Variants in EPC2 observed in about 807,000 individuals in gnomAD.
EPC2 encodes enhancer of polycomb 2, also known as enhancer of polycomb homolog 2.
In EPC2, 14 loss-of-function variants were observed where a neutral mutation model predicts 92.1. That is an observed-to-expected ratio of 0.15 (90% confidence interval 0.10 to 0.24). The LOEUF (loss-of-function observed/expected upper bound fraction) is 0.24. EPC2 is among the 10% of genes least tolerant of loss of function. EPC2 has a pLI of 1.00. For synonymous variants in EPC2, 340 were observed against 334.7 expected (o/e 1.02, Z -0.17); for missense variants, 755 against 971.5 (o/e 0.78, Z 2.96).
intron 4 of EPC2, among the ~76,000 whole-genome samples, chr2:148,760,866 G>C (rs1441769257): frequency 6.6e-6 from 1 of 151,858 alleles, no homozygotes; most frequent in Non-Finnish European, 1.5e-5. Flanking sequence ...GTATTCCTTA[G>C]GTTCTTTCTA....
At chr2:148,768,340 T>G (rs1385696575) in intron 7 of EPC2, among the ~76,000 whole-genome samples, 2 of 152,232 alleles carry the variant, frequency 1.3e-5, no homozygotes, top group Non-Finnish European at 2.9e-5. Flanking sequence ...TGTATTTGTA[T>G]ATTATTTAAT....
At chr2:148,689,750 CTTG>C (rs1175816950) in intron 1 of EPC2, among the ~76,000 whole-genome samples, 1 of 152,134 alleles carries the variant, frequency 6.6e-6, no homozygotes, top group African/African-American at 2.4e-5. Flanking sequence ...AGTAATAAAA[CTTG>C]TTGAACATAA....
intron 1 of EPC2, among the ~76,000 whole-genome samples, chr2:148,688,374 C>T (rs192035303): frequency 1.3e-5 from 2 of 151,556 alleles, no homozygotes; most frequent in Admixed American, 1.3e-4. Context: ...AACACATGGA[C>T]ACAGGAAGGG....
chr2:148,660,102 GAT>G (rs1416036447), intron 1 of EPC2, among the ~76,000 whole-genome samples: 74 of 152,204 alleles, frequency 4.9e-4, no homozygotes, highest in African/African-American at 1.6e-3. Context: ...ACATCTCTGA[GAT>G]ATCTCTGTGG....
At chr2:148,765,559 A>G (rs1683390643) in intron 7 of EPC2, among the ~76,000 whole-genome samples, 1 of 152,326 alleles carries the variant, frequency 6.6e-6, no homozygotes, top group African/African-American at 2.4e-5. Context: ...ATTGTGTTTT[A>G]TAACTTTTAA....
intron 1 of EPC2, among the ~76,000 whole-genome samples, chr2:148,653,950 G>GTTT (rs34810067): frequency 8.7e-4 from 115 of 131,778 alleles, no homozygotes; most frequent in African/African-American, 3.2e-3. Context: ...TTTTTTTTTT[G>GTTT]TTTTTTTTTT....
At chr2:148,751,340 AG>A (rs944529329) in intron 3 of EPC2, among the ~76,000 whole-genome samples, 2 of 152,124 alleles carry the variant, frequency 1.3e-5, no homozygotes, top group African/African-American at 4.8e-5. Context: ...GCCATCTAGA[AG>A]AAAAGCCTAT....
intron 1 of EPC2, among the ~76,000 whole-genome samples, chr2:148,672,870 A>G (rs1192882772): frequency 1.3e-5 from 2 of 152,146 alleles, no homozygotes; most frequent in African/African-American, 2.4e-5. Context: ...CAATTTTTAT[A>G]GGAAGGGTCA....
intron 10 of EPC2, among the ~76,000 whole-genome samples, chr2:148,780,320 C>T (rs536135395): frequency 7.2e-5 from 11 of 152,096 alleles, no homozygotes; most frequent in Non-Finnish European, 1.6e-4. Context: ...GAGAGTGTAT[C>T]TAAAGCTTTG....
chr2:148,783,578 A>T lies in EPC2; in HGVS notation c.1858-19A>T. ...ATCACATCTAAAAATTAGAGTGTTT[A>T]ACTTTGTTCATTTTATAGGGCTCAA... is the stretch of plus-strand genomic sequence containing the variant. On this transcript the variant is annotated intron_variant, in intron 11 of 13. Transcript: ENST00000258484. The T allele has an allele frequency of 6.3e-7, 1 of 1,588,854 alleles. No homozygotes were observed. Among genetic ancestry groups the T allele is most frequent in the Non-Finnish European group, 8.6e-7 (1 of 1,165,780 alleles).
intron 3 of EPC2, 47 bp from the exon 4 acceptor site, chr2:148,753,880 C>A: frequency 1.3e-6 from 2 of 1,528,304 alleles, no homozygotes; most frequent in Non-Finnish European, 1.8e-6. Flanking sequence ...ACTTTTATTT[C>A]TTTTTGCAAA....
intron 2 of EPC2, among the ~76,000 whole-genome samples, chr2:148,735,573 C>T (rs527782598): frequency 5.3e-5 from 8 of 151,878 alleles, no homozygotes; most frequent in African/African-American, 1.2e-4. Context: ...TAATAATGAA[C>T]GGTCATATAC....
chr2:148,740,434 A>G (rs1204770351), intron 2 of EPC2, among the ~76,000 whole-genome samples: 2 of 152,150 alleles, frequency 1.3e-5, no homozygotes, highest in African/African-American at 4.8e-5. Context: ...TTTGAGTGAA[A>G]GAGAAATGGT....
At chr2:148,740,637 G>C (rs1022150239) in intron 2 of EPC2, among the ~76,000 whole-genome samples, 1 of 152,142 alleles carries the variant, frequency 6.6e-6, no homozygotes, top group Non-Finnish European at 1.5e-5. Flanking sequence ...CAGATAGGAG[G>C]TGGAGGAACA....
chr2:148,662,760 A>T (rs1221455288), intron 1 of EPC2, among the ~76,000 whole-genome samples: 1 of 152,114 alleles, frequency 6.6e-6, no homozygotes, highest in Non-Finnish European at 1.5e-5. Context: ...TGGCACGTAC[A>T]TACATACGTA....
Position 148,754,046 on chromosome 2 carries a change from G to C in EPC2, c.579G>C (p.Gln193His). 1 of 1,611,224 alleles carries C rather than the reference G, an allele frequency of 6.2e-7. No homozygotes were observed. Among genetic ancestry groups the C allele is most frequent in the Non-Finnish European group, 8.5e-7 (1 of 1,178,688 alleles). Reference protein sequence around the residue: ...KNCRGPSLIPQIKQEKRDGST... With the variant: ...KNCRGPSLIPHIKQEKRDGST... The stretch of plus-strand genomic sequence containing the variant: ...GCAGGGGGCCATCCCTCATTCCTCA[G>C]ATAAAACAAGAGAAAAGAGATGGCT... The change falls in exon 4 of 14, where the codon CAG (glutamine) becomes CAC (histidine). Residue 193 changes from glutamine to histidine, a missense_variant. Transcript: ENST00000258484.
intron 1 of EPC2, among the ~76,000 whole-genome samples, chr2:148,678,704 G>A (rs1340551482): frequency 1.3e-5 from 2 of 152,232 alleles, no homozygotes; most frequent in South Asian, 2.1e-4. Flanking sequence ...CCAAGCCCAC[G>A]CCCACCTGGA....
chr2:148,673,752 A>G (rs1269818698), intron 1 of EPC2, among the ~76,000 whole-genome samples: 2 of 151,498 alleles, frequency 1.3e-5, no homozygotes, highest in African/African-American at 4.9e-5. Context: ...CCTGGCTAAT[A>G]TTTTTGTATT....
At chr2:148,677,546 C>T (rs933670060) in intron 1 of EPC2, among the ~76,000 whole-genome samples, 4 of 152,042 alleles carry the variant, frequency 2.6e-5, no homozygotes, top group East Asian at 1.9e-4. Flanking sequence ...TTTGGTGGTA[C>T]GCACTTGTAT....
Sources: allele counts gnomAD v4.1 joint callset (sites outside exome capture counted in the v4.1 genomes callset), GRCh38; gene constraint gnomAD v4.1.1; transcripts MANE v1.5; gene names NCBI Gene and HGNC (gene_info 2026-07-23, HGNC 2026-07-21).